The following PLCB2 variants were observed in gnomAD, a reference collection of about 807,000 sequenced individuals.
PLCB2 encodes the protein phospholipase C beta 2.
In PLCB2, 115 loss-of-function variants were observed where a neutral mutation model predicts 141.7. The observed-to-expected ratio is 0.81, with a 90% CI of 0.70 to 0.95. The LOEUF is 0.95. Among genes scored for constraint, PLCB2 ranks in the 40% least tolerant of loss-of-function variants. PLCB2 has a pLI of 0.00. For missense variants in PLCB2, 1,403 were observed against 1,541.1 expected, an observed-to-expected ratio of 0.91 and a Z score of 1.50; for synonymous variants, 603 against 595.6, an observed-to-expected ratio of 1.01 and a Z score of -0.18.
intron 7 of PLCB2, among the ~76,000 whole-genome samples, chr15:40,299,985 C>T (rs1292295843): frequency 6.6e-6 from 1 of 152,148 alleles, no homozygotes; most frequent in Non-Finnish European, 1.5e-5. Context: ...CAATGAGATA[C>T]CACTCCCACT....
chr15:40,304,268 GA>G, intron 1 of PLCB2, among the ~76,000 whole-genome samples, 190 bp from the exon 2 acceptor site: 1 of 152,260 alleles, frequency 6.6e-6, no homozygotes, highest in Non-Finnish European at 1.5e-5. Context: ...TTCTGGAAGA[GA>G]AGGGTTTTCC....
At chr15:40,289,598 G>A (rs1259127465) in intron 30 of PLCB2, 2 of 564,714 alleles carry the variant, frequency 3.5e-6, no homozygotes, top group Admixed American at 3.1e-5. Flanking sequence ...GGACCCAGTA[G>A]GTGGCAGCTG....
Position 40,294,921 on chromosome 15 carries a change from T to G in PLCB2, c.1906+15A>C. 6.2e-7 allele frequency: 1 copy of G among 1,614,016 alleles called. No homozygotes were observed. Among genetic ancestry groups the G allele is most frequent in the Non-Finnish European group, 8.5e-7 (1 of 1,179,924 alleles). ...GACCAGGGAAGGATTCTTAGGGGCCTGGGAATGCCCTCACCCATCGTCTGG... is the reference window on the plus strand; with the variant it reads ...GACCAGGGAAGGATTCTTAGGGGCCGGGGAATGCCCTCACCCATCGTCTGG... On this transcript the variant is annotated intron_variant, in intron 18 of 31. Transcript: ENST00000260402.
chr15:40,293,761 C>T, intron 19 of PLCB2, 37 bp from the exon 20 acceptor site: 1 of 1,595,162 alleles, frequency 6.3e-7, no homozygotes, highest in Non-Finnish European at 8.6e-7. Context: ...GCATCAAATC[C>T]CCACCCAGGC....
At chr15:40,293,840 A>C in intron 19 of PLCB2, 116 bp from the exon 20 acceptor site, 1 of 1,012,426 alleles carries the variant, frequency 9.9e-7, no homozygotes, top group Non-Finnish European at 1.5e-6. Flanking sequence ...GTTATGAAGA[A>C]CCTCACTCAG....
chr15:40,298,973 C>T lies in PLCB2; in HGVS notation c.684-9G>A. On this transcript the variant is annotated splice_polypyrimidine_tract_variant and intron_variant, in intron 8 of 31. Transcript: ENST00000260402. ...GTTTGGCCTTAGCATGGCTTCAAGC[C>T]AGAGAGAAGAGCACAGGTCCATATC... The T allele has an allele frequency of 6.2e-7, 1 of 1,603,506 alleles. No individual in the cohort carries two copies. The highest frequency in any genetic ancestry group is 8.5e-7 in the Non-Finnish European group (1 of 1,177,534).
rs1475527345 is a variant in PLCB2, at chr15:40,297,866, T to C, written c.1238+11A>G. 23 of 1,607,962 alleles carry C rather than the reference T, an allele frequency of 1.4e-5. No individual in the cohort carries two copies. Among genetic ancestry groups the C allele is most frequent in the Non-Finnish European group, 1.9e-5 (22 of 1,174,698 alleles). ...GGGTGAGAATGTGGCTGAATGGGCC[T>C]GGATACGCACGAGTCCACATGGTTC... is the stretch of plus-strand genomic sequence containing the variant. On this transcript the variant is annotated intron_variant, in intron 12 of 31. Coordinates refer to ENST00000260402, the MANE Select transcript of PLCB2 (RefSeq NM_004573.3). The surrounding 1 kb of genome is among the most constrained non-coding windows in gnomAD (Gnocchi z 4.2).
chr15:40,296,636 T>G lies in PLCB2; in HGVS notation c.1487-2A>C. 1 of 1,613,222 alleles carries G rather than the reference T, an allele frequency of 6.2e-7. No homozygotes were observed. The highest frequency in any genetic ancestry group is 8.5e-7 in the Non-Finnish European group (1 of 1,179,790). On this transcript the variant is annotated splice_acceptor_variant, in intron 14 of 31. Transcript: ENST00000260402. LOFTEE classifies it high-confidence loss of function. ...CAGTCCCTTCCTCGCCAGCCCACACTGCCACATACAGCTCTGTCGGCACTG... is the reference window on the plus strand; with the variant it reads ...CAGTCCCTTCCTCGCCAGCCCACACGGCCACATACAGCTCTGTCGGCACTG...
rs1453612124 is a variant in PLCB2 at position 40,295,044 on chromosome 15, T to A, written c.1798A>T (p.Met600Leu). 3 of 1,612,956 alleles carry A rather than the reference T, an allele frequency of 1.9e-6. No individual in the cohort carries two copies. The highest frequency in any genetic ancestry group is 2.7e-5 in the African/African-American group (2 of 74,870). The change falls in exon 18 of 32, where the codon ATG (methionine) becomes TTG (leucine). Residue 600 changes from methionine (M) to leucine (L), a missense_variant. By Grantham distance (15) the Met-to-Leu change is conservative. This residue lies in a region of PLCB2 where 975 missense variants were observed against 1,141.1 expected (regional missense o/e 0.85). Coordinates refer to ENST00000260402, the MANE Select transcript of PLCB2 (RefSeq NM_004573.3). Reference protein sequence around the residue: ...VQFVDYNKRQMSRIYPKGTRM... With the variant: ...VQFVDYNKRQLSRIYPKGTRM... ...GTTCCCTTGGGGTAAATGCGGCTCA[T>A]CTGGCGCTTGTTGTAGCTGTCCCTG...
chr15:40,300,779 C>T (rs1431734563), intron 7 of PLCB2: 1 of 152,082 alleles, frequency 6.6e-6, no homozygotes, highest in Non-Finnish European at 1.5e-5. Flanking sequence ...TCCTTCCCCC[C>T]CCAAAAAAAA....
At chr15:40,303,250 G>C in intron 3 of PLCB2, 38 bp downstream of exon 3, 1 of 1,476,904 alleles carries the variant, frequency 6.8e-7, no homozygotes, top group Non-Finnish European at 9.5e-7. Flanking sequence ...GGAGCTAGTA[G>C]CTGTGCTTGA....
In PLCB2 at chr15:40,290,782, G is replaced by A. The variant is rs370298493; in HGVS notation, c.3092C>T (p.Ala1031Val). The change falls in exon 28 of 32, where the codon GCC becomes GTC. Residue 1031 changes from alanine (A) to valine (V), a missense_variant. By Grantham distance (64) the Ala-to-Val change is moderately conservative (BLOSUM62 0). Coordinates refer to ENST00000260402, the MANE Select transcript of PLCB2 (RefSeq NM_004573.3). ...AREKQAAELK[A>V]LKETSENDTK... ...GTACTTCTCCGACGTCTCCTTCAGGGCCTTCAGCTCTGCCGCCTGTTTCTC... is the reference window on the plus strand; with the variant it reads ...GTACTTCTCCGACGTCTCCTTCAGGACCTTCAGCTCTGCCGCCTGTTTCTC... The A allele has an allele frequency of 3.9e-5, 63 of 1,613,686 alleles. No homozygotes were observed. Among genetic ancestry groups the A allele is most frequent in the Non-Finnish European group, 3.4e-6 (4 of 1,179,954 alleles).
intron 1 of PLCB2, among the ~76,000 whole-genome samples, chr15:40,306,752 A>C (rs2040816488): frequency 1.3e-5 from 2 of 152,036 alleles, no homozygotes; most frequent in South Asian, 4.1e-4. Context: ...CCAAGCCTTC[A>C]TTTCCCTTCC....
At chr15:40,291,736 G>A (rs9972407) in intron 24 of PLCB2, 86 bp from the exon 25 acceptor site, 1 of 1,601,700 alleles carries the variant, frequency 6.2e-7, no homozygotes, top group Non-Finnish European at 8.5e-7. Flanking sequence ...CCTGGGAGTC[G>A]CAGTATGTGC....
In PLCB2 at chr15:40,292,107, G is replaced by A. The variant is rs758858279; in HGVS notation, c.2483C>T (p.Thr828Met). 6.2e-7 allele frequency: 1 copy of A among 1,614,086 alleles called. No homozygotes were observed. ...NPIKFFSAHD[T>M]KSVKLKEAMG... ...GGCCTCCTTGAGCTTCACAGACTTC[G>A]TGTCATGGGCACTGAAGAACTTAAT... is the stretch of plus-strand genomic sequence containing the variant. The change falls in exon 23 of 32, where the codon ACG becomes ATG. Residue 828 changes from threonine to methionine, a missense_variant. Physicochemically the swap from Thr to Met is moderately conservative, Grantham distance 81. Coordinates refer to ENST00000260402, the MANE Select transcript of PLCB2 (RefSeq NM_004573.3).
In PLCB2 at chr15:40,294,318, G is replaced by A; in HGVS notation, c.2009C>T (p.Pro670Leu). 1 of 1,614,136 alleles carries A rather than the reference G, an allele frequency of 6.2e-7. No individual in the cohort carries two copies. The highest frequency in any genetic ancestry group is 8.5e-7 in the Non-Finnish European group (1 of 1,180,026). The change falls in exon 19 of 32, where the codon CCC becomes CTC. Residue 670 changes from proline to leucine, a missense_variant. By Grantham distance (98) the Pro-to-Leu change is moderately conservative (BLOSUM62 -3). Transcript: ENST00000260402. Reference protein sequence around the residue: ...FMRRPDKQFNPFSVDRIDVVV... With the variant: ...FMRRPDKQFNLFSVDRIDVVV... ...CACGTCGATGCGGTCCACTGAGAAGGGGTTGAACTGCTTGTCCGGCCGGCG... is the reference window on the plus strand; with the variant it reads ...CACGTCGATGCGGTCCACTGAGAAGAGGTTGAACTGCTTGTCCGGCCGGCG...
At position 40,302,014 on chromosome 15, in the gene PLCB2, A is replaced by G; in HGVS notation, c.525T>C (p.Pro175=). 6.2e-7 allele frequency: 1 copy of G among 1,614,194 alleles called. No homozygotes were observed. Among genetic ancestry groups the G allele is most frequent in the Non-Finnish European group, 8.5e-7 (1 of 1,180,030 alleles). The change falls in exon 7 of 32, where the codon CCT becomes CCC. Residue 175 remains proline (P), a synonymous_variant. Coordinates refer to ENST00000260402, the MANE Select transcript of PLCB2 (RefSeq NM_004573.3). ...CAGCTTCCACCCGCTTGCGGTCAGCAGGAAACATCTGGAAAAAGCTGAAGG... is the reference window on the plus strand; with the variant it reads ...CAGCTTCCACCCGCTTGCGGTCAGCGGGAAACATCTGGAAAAAGCTGAAGG... ...IPVKNFFQMF[P]ADRKRVEAAL...
chr15:40,306,430 A>T (rs2040800386), intron 1 of PLCB2, among the ~76,000 whole-genome samples: 1 of 152,084 alleles, frequency 6.6e-6, no homozygotes, highest in African/African-American at 2.4e-5. Flanking sequence ...CCACCCTGTG[A>T]CCCTCTGCCC....
rs1302273935 is a variant in PLCB2, at chr15:40,292,053, G to A, written c.2526+11C>T. ...TGGTGAGCCCCTGGCAGCAGTGCAG[G>A]CAACACAGACCTCAGGCAGACCTCC... is the stretch of plus-strand genomic sequence containing the variant. On this transcript the variant is annotated intron_variant, in intron 23 of 31. Coordinates refer to ENST00000260402, the MANE Select transcript of PLCB2 (RefSeq NM_004573.3). The A allele has an allele frequency of 6.2e-7, 1 of 1,612,798 alleles. No individual in the cohort carries two copies. The highest frequency in any genetic ancestry group is 8.5e-7 in the Non-Finnish European group (1 of 1,178,778).
Sources: allele counts gnomAD v4.1 joint callset (sites outside exome capture counted in the v4.1 genomes callset), GRCh38; gene constraint gnomAD v4.1.1; regional missense constraint gnomAD v4.1.1; non-coding constraint Gnocchi (gnomAD v3.1); transcripts MANE v1.5; gene names NCBI Gene and HGNC (gene_info 2026-07-23, HGNC 2026-07-21).